MIPEP: variants seen among roughly 807,000 people sequenced by gnomAD.
MIPEP encodes the protein mitochondrial intermediate peptidase.
Under a neutral mutation model 90.3 loss-of-function variants are expected in MIPEP, and 79 were observed. The observed-to-expected ratio is 0.87, with a 90% confidence interval of 0.73 to 1.05. The LOEUF (loss-of-function observed/expected upper bound fraction) is 1.05, where lower values mean the gene tolerates loss of function less well. MIPEP is among the 50% of genes least tolerant of loss of function. The pLI is 0.00. For missense variants in MIPEP, 940 were observed against 905.6 expected (o/e 1.04, Z -0.49); for synonymous variants, 334 against 315.8 (o/e 1.06, Z -0.61).
chr13:23,754,200 C>A (rs1351911338), intron 18 of MIPEP, among the ~76,000 whole-genome samples: 1 of 152,118 alleles, frequency 6.6e-6, no homozygotes, highest in African/African-American at 2.4e-5. Flanking sequence ...AGGCTGTGAG[C>A]CAACACCTAA....
intron 18 of MIPEP, among the ~76,000 whole-genome samples, chr13:23,739,766 T>G (rs1200571552): frequency 6.6e-6 from 1 of 152,224 alleles, no homozygotes; most frequent in African/African-American, 2.4e-5. Flanking sequence ...TACTCCTGAC[T>G]CCACTTCAGA....
intron 18 of MIPEP, chr13:23,747,443 T>C (rs528831948): frequency 2.3e-6 from 1 of 441,500 alleles, no homozygotes; most frequent in African/African-American, 2.0e-5. Context: ...ATGCCTGCTA[T>C]CTAGCTGCTT....
intron 16 of MIPEP, among the ~76,000 whole-genome samples, chr13:23,774,782 T>C (rs1451520998): frequency 2.1e-5 from 2 of 97,532 alleles, no homozygotes; most frequent in Non-Finnish European, 4.1e-5. Flanking sequence ...GGTTTATCAG[T>C]TCTTTTTTTT....
At position 23,841,465 on chromosome 13, in the gene MIPEP, T is replaced by C. The variant is rs1869295471; in HGVS notation, c.1130A>G (p.Tyr377Cys). Residue 377 changes from tyrosine (Y) to cysteine (C), a missense_variant, in exon 11 of 19, where the codon TAT becomes TGT. Transcript: ENST00000382172. Reference protein sequence around the residue: ...AERYNIEPSLYCPFFSLGACM... With the variant: ...AERYNIEPSLCCPFFSLGACM... Reference sequence around the variant, plus strand: ...TGCTCCAAGAGAGAAAAACGGGCAATATAGGCTGGGCTCAATATTATACCT... The same window carrying C: ...TGCTCCAAGAGAGAAAAACGGGCAACATAGGCTGGGCTCAATATTATACCT... 1.9e-6 allele frequency: 3 copies of C among 1,613,460 alleles called. No individual in the cohort carries two copies. Among genetic ancestry groups the C allele is most frequent in the Admixed American group, 1.7e-5 (1 of 59,824 alleles).
In MIPEP at chr13:23,841,346, C is replaced by T. The variant is rs958363567; in HGVS notation, c.1249G>A (p.Val417Ile). 42 of 1,610,276 alleles carry T rather than the reference C, an allele frequency of 2.6e-5. No individual in the cohort carries two copies. Among genetic ancestry groups the T allele is most frequent in the Non-Finnish European group, 3.5e-5 (41 of 1,178,998 alleles). ...CAGGAGGAGCTCACCAGTTTTCGGA[C>T]ATCTTCGCTCCACACCTCTCCTTTT... ...PAKGEVWSED[V>I]RKLAVVHESE... The change falls in exon 11 of 19, where the codon GTC (valine) becomes ATC (isoleucine). Residue 417 changes from valine (V) to isoleucine (I), a missense_variant. Val to Ile is a conservative substitution (Grantham distance 29). Transcript: ENST00000382172.
intron 16 of MIPEP, among the ~76,000 whole-genome samples, chr13:23,801,047 C>G (rs1164685108): frequency 6.6e-6 from 1 of 152,196 alleles, no homozygotes; most frequent in East Asian, 1.9e-4. Context: ...TGTATCAACT[C>G]CATAAGCATT....
At chr13:23,875,182 G>A (rs919636238) in intron 4 of MIPEP, among the ~76,000 whole-genome samples, 1 of 151,676 alleles carries the variant, frequency 6.6e-6, no homozygotes, top group Non-Finnish European at 1.5e-5. Context: ...TTTATTCAGA[G>A]AGTACAAACC....
chr13:23,765,193 G>A (rs898706671), intron 16 of MIPEP, among the ~76,000 whole-genome samples: 3 of 152,016 alleles, frequency 2.0e-5, no homozygotes, highest in South Asian at 2.1e-4. Context: ...ATCCATGCTC[G>A]GGGGGTGGGT....
chr13:23,734,039 T>C (rs1464519448), intron 18 of MIPEP, among the ~76,000 whole-genome samples: 6 of 152,214 alleles, frequency 3.9e-5, no homozygotes, highest in African/African-American at 7.2e-5. Context: ...CATCTAGATA[T>C]AGGTTATTAC....
At chr13:23,786,870 A>G (rs573961204) in intron 16 of MIPEP, among the ~76,000 whole-genome samples, 1 of 152,330 alleles carries the variant, frequency 6.6e-6, no homozygotes, top group African/African-American at 2.4e-5. Context: ...TTTTAAGGCT[A>G]AAGTAGTCAA....
intron 16 of MIPEP, among the ~76,000 whole-genome samples, chr13:23,762,419 T>C (rs1287347130): frequency 6.6e-6 from 1 of 152,198 alleles, no homozygotes; most frequent in African/African-American, 2.4e-5. Context: ...AGTGACTCTC[T>C]GGTTATGTCC....
intron 14 of MIPEP, among the ~76,000 whole-genome samples, chr13:23,834,901 A>C (rs573030410): frequency 4.1e-4 from 62 of 152,286 alleles, no homozygotes; most frequent in African/African-American, 1.4e-3. Flanking sequence ...TAATTCCCAG[A>C]ACAATTCTTT....
rs1429425879 is a variant in MIPEP, at chr13:23,756,507, C to G, written c.2044+38G>C. 1.9e-6 allele frequency: 3 copies of G among 1,584,654 alleles called. No individual in the cohort carries two copies. The East Asian group carries it at 6.7e-5, about 35-fold the overall frequency. ...AACATATGGAGAAAACATAAATCAG[C>G]TTTCATTATAGATGGTGCCATTTTG... On this transcript the variant is annotated intron_variant, in intron 18 of 18. Coordinates refer to ENST00000382172, the MANE Select transcript of MIPEP (RefSeq NM_005932.4).
At chr13:23,750,406 A>G (rs1399550957) in intron 18 of MIPEP, among the ~76,000 whole-genome samples, 2 of 152,352 alleles carry the variant, frequency 1.3e-5, no homozygotes, top group East Asian at 3.9e-4. Flanking sequence ...TTCGTTTTCA[A>G]TGACCTTGAC....
intron 5 of MIPEP, 97 bp downstream of exon 5, chr13:23,874,749 G>T: frequency 9.9e-7 from 1 of 1,013,974 alleles, no homozygotes; most frequent in Non-Finnish European, 1.4e-6. Context: ...TTTGCAATAT[G>T]CAAATTCAAG....
chr13:23,762,918 A>C (rs1320195201), intron 16 of MIPEP, among the ~76,000 whole-genome samples: 3 of 152,188 alleles, frequency 2.0e-5, no homozygotes, highest in African/African-American at 7.2e-5. Context: ...GGAGCTGGAC[A>C]CTCAAAATGT....
At chr13:23,841,025 G>A (rs1869271457) in intron 11 of MIPEP, among the ~76,000 whole-genome samples, 1 of 152,196 alleles carries the variant, frequency 6.6e-6, no homozygotes, top group Admixed American at 6.5e-5. Context: ...ACACAGCTAT[G>A]AAGGTATATA....
rs545017148 is a variant in MIPEP, at chr13:23,736,358, G to A, written c.2045-5913C>T. On this transcript the variant is annotated intron_variant, in intron 18 of 18. Coordinates refer to ENST00000382172, the MANE Select transcript of MIPEP (RefSeq NM_005932.4). ...TAGATCTTCACCTATTTGTCCTACT[G>A]AGAGGGACAGAGAATATATAAAGAG... 1.2e-4 allele frequency among the ~76,000 whole-genome samples: 18 copies of A among 152,242 alleles called. 1 individual carries two copies. Among genetic ancestry groups the A allele is most frequent in the African/African-American group, 3.6e-4 (15 of 41,532 alleles).
In MIPEP at chr13:23,888,852, A is replaced by G. The variant is rs1226627223; in HGVS notation, c.189+280T>C. 2.5e-5 allele frequency: 17 copies of G among 674,010 alleles called. No homozygotes were observed. In the Admixed American group the frequency reaches 6.5e-4, roughly 26 times the overall value. The allele number at this position is 674,010 out of a possible 1,614,324, so 41.8% of individuals were successfully genotyped here. On this transcript the variant is annotated intron_variant, in intron 1 of 18. Coordinates refer to ENST00000382172, the MANE Select transcript of MIPEP (RefSeq NM_005932.4). ...GTCCTGGCAGGACGAATTCACCGCC[A>G]CTGCCAGAACGAACTATTCAGATTC... is the stretch of plus-strand genomic sequence containing the variant.
Sources: gnomAD v4.1 joint callset for allele counts (sites outside exome capture counted in the v4.1 genomes callset) on GRCh38, gnomAD v4.1.1 for gene constraint, MANE v1.5 for transcripts, NCBI Gene and HGNC (gene_info 2026-07-23, HGNC 2026-07-21) for gene names.